Variants in PXDC1 observed in about 807,000 individuals in gnomAD.
PXDC1 encodes the protein PX domain-containing protein 1.
Under a neutral mutation model 24.4 loss-of-function variants are expected in PXDC1, and 13 were observed. The ratio of observed to expected loss-of-function variants is 0.53; its 90% CI spans 0.35 to 0.85. The LOEUF (loss-of-function observed/expected upper bound fraction) is 0.85, where lower values mean the gene tolerates loss of function less well. Ranked by LOEUF, PXDC1 falls within the 40% of genes least tolerant of loss-of-function variation. PXDC1 has a pLI of 0.01. For missense variants in PXDC1, 344 were observed against 309.3 expected (o/e 1.11, Z -0.84); for synonymous variants, 162 against 124.9 (o/e 1.30, Z -1.98).
Position 3,751,544 on chromosome 6 carries a change from C to T in PXDC1, c.-13G>A, listed in dbSNP as rs779873963. The T allele has an allele frequency of 3.9e-6, 6 of 1,556,068 alleles. No homozygotes were observed. Among genetic ancestry groups the T allele is most frequent in the Non-Finnish European group, 5.2e-6 (6 of 1,154,230 alleles). The stretch of plus-strand genomic sequence containing the variant: ...CCGCCGAGGCCATGTCGCACGCATG[C>T]CCCCGCCAAGGGCTCCCCAGCCCCG... On this transcript the variant is annotated 5_prime_UTR_variant, in exon 1 of 5. Transcript: ENST00000380283.
intron 4 of PXDC1, 121 bp downstream of exon 4, chr6:3,727,430 G>C (rs151044817): frequency 3.2e-6 from 2 of 634,532 alleles, no homozygotes; most frequent in Admixed American, 5.6e-5. Flanking sequence ...TCCAAATGCA[G>C]GTAGGAACTG....
intron 3 of PXDC1, among the ~76,000 whole-genome samples, chr6:3,736,727 T>G (rs991147728): frequency 2.0e-5 from 3 of 152,220 alleles, no homozygotes; most frequent in Non-Finnish European, 4.4e-5. Flanking sequence ...AGAACCAAAT[T>G]CAATGCCACG....
chr6:3,750,231 G>A (rs1034375005), intron 1 of PXDC1, among the ~76,000 whole-genome samples: 1 of 152,254 alleles, frequency 6.6e-6, no homozygotes, highest in African/African-American at 2.4e-5. Flanking sequence ...GGAGGCTGGG[G>A]AGACTTGGAC....
intron 1 of PXDC1, among the ~76,000 whole-genome samples, chr6:3,750,940 AC>A (rs1438234328): frequency 6.6e-6 from 1 of 151,474 alleles, no homozygotes; most frequent in Non-Finnish European, 1.5e-5. Context: ...GGCCGGGCCG[AC>A]CCTGTGAGCC....
intron 1 of PXDC1, among the ~76,000 whole-genome samples, chr6:3,744,201 T>C (rs1760513144): frequency 6.6e-6 from 1 of 152,192 alleles, no homozygotes; most frequent in South Asian, 2.1e-4. Flanking sequence ...ACTTAGCCAG[T>C]CCGTCCTGCA....
intron 3 of PXDC1, among the ~76,000 whole-genome samples, chr6:3,731,603 C>G (rs895845551): frequency 6.6e-6 from 1 of 152,232 alleles, no homozygotes; most frequent in Non-Finnish European, 1.5e-5. Flanking sequence ...ACCTCCTTCA[C>G]TTGAATTTCA....
rs764784459 is a variant in PXDC1, at chr6:3,738,142, A to C, written c.263T>G (p.Val88Gly). Reference protein sequence around the residue: ...LAQGPLRQGLVAIKEAHDIET... With the variant: ...LAQGPLRQGLGAIKEAHDIET... ...TATGTCGTGGGCTTCCTTTATGGCAACCAGTCCTAGAATTGAGACAGAAAT... is the reference window on the plus strand; with the variant it reads ...TATGTCGTGGGCTTCCTTTATGGCACCCAGTCCTAGAATTGAGACAGAAAT... The change falls in exon 2 of 5, where the codon GTT becomes GGT. Residue 88 changes from valine to glycine, a missense_variant. Transcript: ENST00000380283. The C allele has an allele frequency of 6.2e-7, 1 of 1,613,486 alleles. No homozygotes were observed. Among genetic ancestry groups the C allele is most frequent in the Non-Finnish European group, 8.5e-7 (1 of 1,179,464 alleles).
At chr6:3,745,036 T>C (rs1760535452) in intron 1 of PXDC1, among the ~76,000 whole-genome samples, 5 of 152,224 alleles carry the variant, frequency 3.3e-5, no homozygotes, top group Admixed American at 2.0e-4. Context: ...TTAGGATCTT[T>C]CTTAGGTAAC....
At chr6:3,743,838 CGCCCAGCGGCT>C (rs1310097673) in intron 1 of PXDC1, among the ~76,000 whole-genome samples, 1 of 152,178 alleles carries the variant, frequency 6.6e-6, no homozygotes, top group African/African-American at 2.4e-5. Flanking sequence ...GCATCAGGGG[CGCCCAGCGGCT>C]GGTCCACAGC....
In PXDC1 at chr6:3,727,551, A is replaced by G; in HGVS notation, c.578T>C (p.Leu193Ser). The G allele has an allele frequency of 6.3e-7, 1 of 1,585,320 alleles. No homozygotes were observed. The change falls in exon 4 of 5, where the codon TTA becomes TCA. Residue 193 changes from leucine (L) to serine (S), a missense_variant and splice_region_variant. Transcript: ENST00000380283. ...QQLGVDPTEH[L>S]FENGSEFPSE... ...ACGATATTCAAATCAGCATACTTACAAATGCTCTGTTGGGTCCACGCCCAG... is the reference window on the plus strand; with the variant it reads ...ACGATATTCAAATCAGCATACTTACGAATGCTCTGTTGGGTCCACGCCCAG...
At position 3,738,034 on chromosome 6, in the gene PXDC1, G is replaced by C. The variant is rs1301673674; in HGVS notation, c.348+23C>G. 11 of 1,605,570 alleles carry C rather than the reference G, an allele frequency of 6.9e-6. No individual in the cohort carries two copies. The East Asian group carries it at 2.2e-4, about 33-fold the overall frequency. ...CCAGCACCTCCCACCTCCCTGCCCA[G>C]CCCGGGGCCTGGCCACACTCACTTT... On this transcript the variant is annotated intron_variant, in intron 2 of 4. Transcript: ENST00000380283.
At position 3,723,469 on chromosome 6, in the gene PXDC1, A is replaced by G; in HGVS notation, c.*150T>C. On this transcript the variant is annotated 3_prime_UTR_variant, in exon 5 of 5. Coordinates refer to ENST00000380283, the MANE Select transcript of PXDC1 (RefSeq NM_183373.4). ...TAGGAGCCCCTGCTGCTCCACTTGC[A>G]GGACACCCAGGCCTCCTGGCGTCAG... 1.5e-6 allele frequency: 1 copy of G among 683,372 alleles called. No individual in the cohort carries two copies. Among genetic ancestry groups the G allele is most frequent in the Non-Finnish European group, 2.6e-6 (1 of 378,686 alleles). 42.3% of individuals were successfully genotyped at this position (683,372 alleles called of 1,614,324 possible).
chr6:3,732,008 A>G (rs1237813335), intron 3 of PXDC1, among the ~76,000 whole-genome samples: 2 of 152,174 alleles, frequency 1.3e-5, no homozygotes, highest in East Asian at 3.8e-4. Context: ...CTTTGTAGTT[A>G]ATTGAAGGAG....
chr6:3,737,001 A>C lies in PXDC1; in HGVS notation c.466+78T>G, dbSNP rs1197541745. On this transcript the variant is annotated intron_variant, in intron 3 of 4. Coordinates refer to ENST00000380283, the MANE Select transcript of PXDC1 (RefSeq NM_183373.4). This position sits in a 1 kb window ranked among gnomAD's most constrained non-coding sequence, Gnocchi z 5.5. ...AAAAGTGTGGCCCAGCCTCAGAGAC[A>C]GCCAACTGTGAGGGTTTCTGTGACA... 1.2e-6 allele frequency: 1 copy of C among 859,084 alleles called. No homozygotes were observed. The highest frequency in any genetic ancestry group is 1.7e-5 in the African/African-American group (1 of 60,402). 53.2% of individuals were successfully genotyped at this position (859,084 alleles called of 1,614,324 possible). A position where few individuals can be genotyped will look rare whatever the true frequency, so the allele number is the denominator to read the frequency against.
At chr6:3,723,829 G>A (rs576279046) in intron 4 of PXDC1, 93 bp from the exon 5 acceptor site, 15 of 940,454 alleles carry the variant, frequency 1.6e-5, no homozygotes, top group African/African-American at 3.2e-5. Context: ...TTCAATGCCC[G>A]CTAGTAAGTG....
Position 3,728,531 on chromosome 6 carries a change from G to A in PXDC1, c.467-869C>T, listed in dbSNP as rs1375771442. On this transcript the variant is annotated intron_variant, in intron 3 of 4. Coordinates refer to ENST00000380283, the MANE Select transcript of PXDC1 (RefSeq NM_183373.4). This position sits in a 1 kb window ranked among gnomAD's most constrained non-coding sequence, Gnocchi z 4.0. ...CCAGCAAAGAAAAACGACTTCCTAC[G>A]TCCATACTGGCTGCATGGCATGAGC... is the stretch of plus-strand genomic sequence containing the variant. Among the ~76,000 whole-genome samples, 1 of 152,058 alleles carries A rather than the reference G, an allele frequency of 6.6e-6. No homozygotes were observed. The highest frequency in any genetic ancestry group is 1.9e-4 in the East Asian group (1 of 5,188).
chr6:3,727,567 C>A lies in PXDC1; in HGVS notation c.562G>T (p.Asp188Tyr), dbSNP rs1760094881. 1 of 1,608,472 alleles carries A rather than the reference C, an allele frequency of 6.2e-7. No individual in the cohort carries two copies. Among genetic ancestry groups the A allele is most frequent in the African/African-American group, 1.3e-5 (1 of 74,818 alleles). ...PNGRDQQLGV[D>Y]PTEHLFENGS... ...CATACTTACAAATGCTCTGTTGGGT[C>A]CACGCCCAGCTGCTGGTCTCTTCCA... Residue 188 changes from aspartate (D) to tyrosine (Y), a missense_variant, in exon 4 of 5, where the codon GAC becomes TAC. Transcript: ENST00000380283.
chr6:3,747,704 C>A (rs1391201646), intron 1 of PXDC1, among the ~76,000 whole-genome samples: 1 of 152,162 alleles, frequency 6.6e-6, no homozygotes, highest in Admixed American at 6.5e-5. Flanking sequence ...AGTCGGAGCC[C>A]CTTTCTTTGC....
intron 3 of PXDC1, among the ~76,000 whole-genome samples, chr6:3,729,021 T>G (rs1581241897): frequency 6.6e-6 from 1 of 152,132 alleles, no homozygotes; most frequent in African/African-American, 2.4e-5. Flanking sequence ...TCCAAGGGAT[T>G]ATCTTCTTCC....
Sources: gnomAD v4.1 joint callset for allele counts (sites outside exome capture counted in the v4.1 genomes callset) on GRCh38, gnomAD v4.1.1 for gene constraint, Gnocchi (gnomAD v3.1) non-coding constraint, MANE v1.5 for transcripts, NCBI Gene and HGNC (gene_info 2026-07-23, HGNC 2026-07-21) for gene names.